RNF150: variants seen among roughly 807,000 people sequenced by gnomAD.
RNF150 encodes the protein ring finger protein 150.
A neutral mutation model predicts 39.3 loss-of-function variants in RNF150; 24 were observed. The ratio of observed to expected loss-of-function variants is 0.61; its 90% CI spans 0.44 to 0.86. The LOEUF is 0.86. Ranked by LOEUF, RNF150 falls within the 40% of genes least tolerant of loss-of-function variation. RNF150 has a pLI of 0.00. For synonymous variants in RNF150, 255 were observed against 227.3 expected, an observed-to-expected ratio of 1.12 and a Z score of -1.10; for missense variants, 502 against 587.8, an observed-to-expected ratio of 0.85 and a Z score of 1.51.
chr4:141,073,271 A>G (rs939826117), intron 1 of RNF150, among the ~76,000 whole-genome samples: 9 of 152,186 alleles, frequency 5.9e-5, no homozygotes, highest in Non-Finnish European at 1.2e-4. Flanking sequence ...TGACTATCCC[A>G]GAGATAGGCA....
chr4:141,136,174 A>G (rs375371799), upstream of RNF150, among the ~76,000 whole-genome samples: 7 of 152,342 alleles, frequency 4.6e-5, no homozygotes, highest in Admixed American at 1.3e-4. Flanking sequence ...AAAAATAAAC[A>G]CTTGGCAAAA....
intron 6 of RNF150, among the ~76,000 whole-genome samples, chr4:140,898,244 C>T (rs1435165049): frequency 6.6e-6 from 1 of 150,886 alleles, no homozygotes; most frequent in Non-Finnish European, 1.5e-5. Context: ...TATTAGAGAG[C>T]CTTAGGTTCA....
At chr4:140,947,869 T>C (rs1197078245) in intron 3 of RNF150, 133 bp from the exon 4 acceptor site, 2 of 568,302 alleles carry the variant, frequency 3.5e-6, no homozygotes, top group Non-Finnish European at 6.2e-6. Context: ...TTAAATCAAA[T>C]GTACCATCAA....
chr4:140,986,239 A>G (rs1734010931), intron 1 of RNF150, among the ~76,000 whole-genome samples: 1 of 152,104 alleles, frequency 6.6e-6, no homozygotes, highest in South Asian at 2.1e-4. Context: ...TCTGCTTTCT[A>G]GAACCTGAAC....
chr4:141,140,266 T>C (rs1418170876), intron 1 of RNF150, among the ~76,000 whole-genome samples: 1 of 152,228 alleles, frequency 6.6e-6, no homozygotes, highest in East Asian at 1.9e-4. Context: ...GCTAAAAATA[T>C]CCTTTTTTCT....
rs139898982 is a variant in RNF150 at position 141,022,772 on chromosome 4, C to T, written c.485-54899G>A. Among the ~76,000 whole-genome samples, 330 of 152,224 alleles carry T rather than the reference C, an allele frequency of 2.2e-3. 3 individuals carry two copies. The highest frequency in any genetic ancestry group is 7.8e-3 in the African/African-American group (322 of 41,538). The stretch of plus-strand genomic sequence containing the variant: ...TTTTGAAATTTCTTTTATTGAAGTG[C>T]ATATATGTCATGTCCAAACTTTTCT... On this transcript the variant is annotated intron_variant, in intron 1 of 6. Transcript: ENST00000515673.
At chr4:140,964,648 A>G (rs1472599241) in intron 2 of RNF150, among the ~76,000 whole-genome samples, 1 of 152,138 alleles carries the variant, frequency 6.6e-6, no homozygotes, top group Non-Finnish European at 1.5e-5. Flanking sequence ...AAAACTTATT[A>G]CATTTGAATG....
chr4:140,943,970 T>C (rs1433223371), intron 4 of RNF150, among the ~76,000 whole-genome samples: 2 of 152,154 alleles, frequency 1.3e-5, no homozygotes, highest in Non-Finnish European at 2.9e-5. Flanking sequence ...ATCTATTGCT[T>C]TGGTTTAAAA....
At chr4:141,169,922 A>G (rs777148696) in intron 1 of RNF150, among the ~76,000 whole-genome samples, 17 of 152,068 alleles carry the variant, frequency 1.1e-4, no homozygotes, top group Non-Finnish European at 2.1e-4. Flanking sequence ...TACAATTTCT[A>G]ATTTGTGCTG....
In RNF150 at chr4:141,199,228, G is replaced by A. The variant is rs1728252315; in HGVS notation, c.-6+13566C>T. Among the ~76,000 whole-genome samples the A allele has an allele frequency of 2.0e-5, 3 of 152,176 alleles. No homozygotes were observed. In the South Asian group the frequency reaches 6.2e-4, roughly 32 times the overall value. ...CACAAACCAACAATACTGAGTGCTA[G>A]TGTGGATATAGCGCAATTAGAACTA... On this transcript the variant is annotated intron_variant, in intron 1 of 7. Transcript: ENST00000420921.
intron 1 of RNF150, among the ~76,000 whole-genome samples, chr4:141,027,319 G>T (rs973820022): frequency 6.6e-6 from 1 of 152,156 alleles, no homozygotes; most frequent in Non-Finnish European, 1.5e-5. Flanking sequence ...TAGGATATAG[G>T]TTCTAAGTGT....
chr4:141,160,295 G>A (rs1727487917), intron 1 of RNF150, among the ~76,000 whole-genome samples: 1 of 152,212 alleles, frequency 6.6e-6, no homozygotes, highest in Non-Finnish European at 1.5e-5. Context: ...AGTATGGAAA[G>A]GAAGTCTGTA....
intron 1 of RNF150, among the ~76,000 whole-genome samples, chr4:141,158,145 G>T (rs1354862077): frequency 1.3e-5 from 2 of 152,136 alleles, no homozygotes; most frequent in Non-Finnish European, 2.9e-5. Context: ...ACAAAAATTA[G>T]CTGGGTGTGG....
chr4:141,175,135 G>T (rs118123758), intron 1 of RNF150, among the ~76,000 whole-genome samples: 1 of 152,278 alleles, frequency 6.6e-6, no homozygotes, highest in East Asian at 1.9e-4. Context: ...GAGTGCTGAT[G>T]GTGGGAACGA....
At chr4:141,040,854 A>G (rs1578660466) in intron 1 of RNF150, among the ~76,000 whole-genome samples, 1 of 152,290 alleles carries the variant, frequency 6.6e-6, no homozygotes, top group African/African-American at 2.4e-5. Flanking sequence ...ATGTCTATAG[A>G]TAATGTTTTA....
intron 1 of RNF150, among the ~76,000 whole-genome samples, chr4:140,978,327 G>A (rs1258830062): frequency 6.6e-6 from 1 of 150,670 alleles, no homozygotes; most frequent in Non-Finnish European, 1.5e-5. Flanking sequence ...TACAGTTAGA[G>A]CTAACTGTTA....
intron 1 of RNF150, among the ~76,000 whole-genome samples, chr4:141,124,747 G>A (rs189973534): frequency 4.7e-4 from 71 of 152,282 alleles, no homozygotes; most frequent in Non-Finnish European, 3.8e-4. Flanking sequence ...TTATAACAGA[G>A]ATTCCAGACA....
chr4:141,017,377 AAG>A (rs1735318945), intron 1 of RNF150, among the ~76,000 whole-genome samples: 1 of 152,082 alleles, frequency 6.6e-6, no homozygotes, highest in Non-Finnish European at 1.5e-5. Flanking sequence ...CTGAGAAGGA[AAG>A]AGAGAGTTCC....
chr4:140,979,472 G>GT (rs1254611493), intron 1 of RNF150, among the ~76,000 whole-genome samples: 3 of 152,036 alleles, frequency 2.0e-5, no homozygotes, highest in Non-Finnish European at 4.4e-5. Context: ...AAAGGGCTGA[G>GT]TAAGGATTAA....
Sources: allele counts gnomAD v4.1 joint callset (sites outside exome capture counted in the v4.1 genomes callset), GRCh38; gene constraint gnomAD v4.1.1; transcripts MANE v1.5; gene names NCBI Gene and HGNC (gene_info 2026-07-23, HGNC 2026-07-21).